The following BIRC2 variants were observed in gnomAD, a reference collection of about 807,000 sequenced individuals.
BIRC2 encodes baculoviral IAP repeat-containing protein 2.
A neutral mutation model predicts 60.9 loss-of-function variants in BIRC2; 18 were observed. That is an observed-to-expected ratio of 0.30 (90% confidence interval 0.20 to 0.44). The LOEUF (loss-of-function observed/expected upper bound fraction) is 0.44, where lower values mean the gene tolerates loss of function less well. Ranked by LOEUF, BIRC2 falls within the 20% of genes least tolerant of loss-of-function variation. The pLI, the probability that BIRC2 is intolerant of heterozygous loss-of-function variation, is 1.00. For synonymous variants in BIRC2, 282 were observed against 247.7 expected (o/e 1.14, Z -1.30); for missense variants, 701 against 728.5 (o/e 0.96, Z 0.43).
intron 3 of BIRC2, among the ~76,000 whole-genome samples, chr11:102,357,507 T>C (rs571041043): frequency 2.0e-5 from 3 of 152,284 alleles, no homozygotes; most frequent in Admixed American, 6.5e-5. Flanking sequence ...TATTTCTTCT[T>C]TATTTTAGTC....
rs201168098 is a variant in BIRC2, at chr11:102,377,645, G to A, written c.1516G>A (p.Ala506Thr). 3.7e-6 allele frequency: 6 copies of A among 1,611,010 alleles called. No individual in the cohort carries two copies. The highest frequency in any genetic ancestry group is 5.1e-6 in the Non-Finnish European group (6 of 1,179,228). ...IKQKTQIPLQ[A>T]RELIDTILVK... The stretch of plus-strand genomic sequence containing the variant: ...ACAAAAAACACAGATACCTTTACAA[G>A]CGAGAGAACTGATTGATACCATTTT... The change falls in exon 7 of 9, where the codon GCG becomes ACG. Residue 506 changes from alanine to threonine, a missense_variant. By Grantham distance (58) the Ala-to-Thr change is moderately conservative (BLOSUM62 0). Around this residue, in one of 4 missense-constraint regions of BIRC2, gnomAD observed 235 missense variants for 208.9 expected, o/e 1.12. Coordinates refer to ENST00000227758, the MANE Select transcript of BIRC2 (RefSeq NM_001166.5).
At chr11:102,372,638 A>G (rs1341397689) in intron 6 of BIRC2, among the ~76,000 whole-genome samples, 1 of 141,104 alleles carries the variant, frequency 7.1e-6, no homozygotes, top group Non-Finnish European at 1.5e-5. Flanking sequence ...AAAAATGTAT[A>G]TTCTGTTGAT....
chr11:102,376,628 CTG>C (rs1220825294), intron 6 of BIRC2, among the ~76,000 whole-genome samples: 2 of 151,870 alleles, frequency 1.3e-5, no homozygotes, highest in Non-Finnish European at 2.9e-5. Flanking sequence ...TATAAATTAA[CTG>C]TGGAGTTTTA....
chr11:102,369,921 A>G (rs1447575108), intron 6 of BIRC2, among the ~76,000 whole-genome samples: 46 of 149,962 alleles, frequency 3.1e-4, no homozygotes, highest in Middle Eastern at 6.9e-3. Flanking sequence ...GCCAGTGATG[A>G]TGAGCATTTT....
At chr11:102,355,751 A>AT (rs1445011448) in intron 3 of BIRC2, among the ~76,000 whole-genome samples, 33 of 152,118 alleles carry the variant, frequency 2.2e-4, no homozygotes, top group African/African-American at 7.2e-4. Context: ...AGAACACGAG[A>AT]TTGTTTAAAA....
rs1412020397 is a variant in BIRC2 at position 102,350,258 on chromosome 11, T to G, written c.404T>G (p.Phe135Cys). Residue 135 changes from phenylalanine (F) to cysteine (C), a missense_variant, in exon 2 of 9, where the codon TTT (phenylalanine) becomes TGT (cysteine). This residue lies in a region of BIRC2 where 375 missense variants were observed against 365.9 expected (regional missense o/e 1.02). Transcript: ENST00000227758. ...SKNTSPMRNSFAHSLSPTLEH... is the reference protein window; with the variant it reads ...SKNTSPMRNSCAHSLSPTLEH... The stretch of plus-strand genomic sequence containing the variant: ...AATACGTCTCCAATGAGAAACAGTT[T>G]TGCACATTCATTATCTCCCACCTTG... 6.2e-7 allele frequency: 1 copy of G among 1,614,222 alleles called. No homozygotes were observed. Among genetic ancestry groups the G allele is most frequent in the African/African-American group, 1.3e-5 (1 of 75,054 alleles).
At chr11:102,374,653 C>T (rs993089643) in intron 6 of BIRC2, among the ~76,000 whole-genome samples, 11 of 152,046 alleles carry the variant, frequency 7.2e-5, no homozygotes, top group Admixed American at 2.6e-4. Context: ...GAGGTGGAGC[C>T]TACAGAGGCA....
chr11:102,371,978 A>T (rs895078929), intron 6 of BIRC2, among the ~76,000 whole-genome samples: 1 of 152,060 alleles, frequency 6.6e-6, no homozygotes, highest in African/African-American at 2.4e-5. Flanking sequence ...GTATTCTCTG[A>T]TGGTAGTTTG....
intron 3 of BIRC2, among the ~76,000 whole-genome samples, chr11:102,359,514 T>C (rs1951460802): frequency 6.6e-6 from 1 of 152,236 alleles, no homozygotes; most frequent in African/African-American, 2.4e-5. Context: ...CAGCGTTTCT[T>C]GTAAGGCGCG....
chr11:102,378,067 G>T lies in BIRC2; in HGVS notation c.1741G>T (p.Val581Phe). 1.2e-6 allele frequency: 2 copies of T among 1,613,598 alleles called. No individual in the cohort carries two copies. Among genetic ancestry groups the T allele is most frequent in the Non-Finnish European group, 8.5e-7 (1 of 1,179,744 alleles). ...CKVCMDKEVS[V>F]VFIPCGHLVV... ...AGTGTGTATGGACAAAGAAGTTTCTGTTGTATTTATTCCTTGTGGTCATCT... is the reference window on the plus strand; with the variant it reads ...AGTGTGTATGGACAAAGAAGTTTCTTTTGTATTTATTCCTTGTGGTCATCT... The change falls in exon 9 of 9, where the codon GTT becomes TTT. Residue 581 changes from valine (V) to phenylalanine (F), a missense_variant. Around this residue, in one of 4 missense-constraint regions of BIRC2, gnomAD observed 52 missense variants for 83.9 expected, o/e 0.62. Coordinates refer to ENST00000227758, the MANE Select transcript of BIRC2 (RefSeq NM_001166.5).
rs1425498915 is a variant in BIRC2 at position 102,363,038 on chromosome 11, G to T, written c.1074+64G>T. On this transcript the variant is annotated intron_variant, in intron 4 of 8. Coordinates refer to ENST00000227758, the MANE Select transcript of BIRC2 (RefSeq NM_001166.5). ...TTTATAATAACAAAAATATTATTAG[G>T]TTGGTATAAAAGTGATCATGATTTT... is the stretch of plus-strand genomic sequence containing the variant. 8 of 1,270,190 alleles carry T rather than the reference G, an allele frequency of 6.3e-6. No homozygotes were observed. The African/African-American group carries it at 9.0e-5, about 14-fold the overall frequency. 78.7% of individuals were successfully genotyped at this position (1,270,190 alleles called of 1,614,324 possible). A position where few individuals can be genotyped will look rare whatever the true frequency, so the allele number is the denominator to read the frequency against.
At chr11:102,353,030 CTAAAT>C (rs1233471857) in intron 3 of BIRC2, among the ~76,000 whole-genome samples, 1 of 151,854 alleles carries the variant, frequency 6.6e-6, no homozygotes, top group African/African-American at 2.4e-5. Context: ...TGAAAAATGA[CTAAAT>C]TATTAATTAT....
At chr11:102,355,613 G>A (rs562527664) in intron 3 of BIRC2, among the ~76,000 whole-genome samples, 45 of 151,948 alleles carry the variant, frequency 3.0e-4, no homozygotes, top group African/African-American at 1.0e-3. Context: ...CTTAAGTTCC[G>A]TACAAATTTT....
intron 3 of BIRC2, among the ~76,000 whole-genome samples, chr11:102,354,729 T>C (rs1475979826): frequency 6.6e-6 from 1 of 152,244 alleles, no homozygotes; most frequent in African/African-American, 2.4e-5. Context: ...GGTTCCCTTT[T>C]CTTCACATCT....
rs764129109 is a variant in BIRC2, at chr11:102,362,954, T to C, written c.1054T>C (p.Tyr352His). 1.2e-6 allele frequency: 2 copies of C among 1,611,470 alleles called. No homozygotes were observed. Among genetic ancestry groups the C allele is most frequent in the Non-Finnish European group, 1.7e-6 (2 of 1,178,040 alleles). ...QEFVDEIQGR[Y>H]PHLLEQLLST... Reference sequence around the variant, plus strand: ...GTTTGTTGATGAGATTCAAGGTAGATATCCTCATCTTCTTGAACAGGTAAA... The same window carrying C: ...GTTTGTTGATGAGATTCAAGGTAGACATCCTCATCTTCTTGAACAGGTAAA... Residue 352 changes from tyrosine to histidine, a missense_variant, in exon 4 of 9, where the codon TAT becomes CAT. Around this residue, in one of 4 missense-constraint regions of BIRC2, gnomAD observed 39 missense variants for 69.8 expected, o/e 0.56. Transcript: ENST00000227758.
intron 6 of BIRC2, among the ~76,000 whole-genome samples, chr11:102,375,979 C>T (rs1194448266): frequency 6.7e-6 from 1 of 148,502 alleles, no homozygotes; most frequent in Non-Finnish European, 1.5e-5. Flanking sequence ...TTTTTTTAAG[C>T]ATTAGGTAGA....
chr11:102,360,284 A>C (rs2135811350), intron 3 of BIRC2, among the ~76,000 whole-genome samples: 1 of 151,980 alleles, frequency 6.6e-6, no homozygotes, highest in East Asian at 1.9e-4. Flanking sequence ...TTAAAATGCA[A>C]ATATTGTTTT....
chr11:102,358,164 G>A (rs550099994), intron 3 of BIRC2, among the ~76,000 whole-genome samples: 5 of 152,146 alleles, frequency 3.3e-5, no homozygotes, highest in East Asian at 1.9e-4. Context: ...CATGATCTAC[G>A]CTGGATAATT....
At chr11:102,364,142 TATA>T (rs1297545995) in intron 5 of BIRC2, among the ~76,000 whole-genome samples, 3 of 53,208 alleles carry the variant, frequency 5.6e-5, no homozygotes, top group African/African-American at 2.7e-4. Flanking sequence ...ATAAATATTA[TATA>T]TATATATATA....
Sources: gnomAD v4.1 joint callset for allele counts (sites outside exome capture counted in the v4.1 genomes callset) on GRCh38, gnomAD v4.1.1 for gene constraint, gnomAD v4.1.1 regional missense constraint, MANE v1.5 for transcripts, NCBI Gene and HGNC (gene_info 2026-07-23, HGNC 2026-07-21) for gene names.